CD36: variants seen among roughly 807,000 people sequenced by gnomAD.
CD36 encodes the protein CD36 molecule (CD36 blood group).
A neutral mutation model predicts 55.2 loss-of-function variants in CD36; 119 were observed. The ratio of observed to expected loss-of-function variants is 2.15; its 90% CI spans 1.86 to 2.51. The LOEUF is 2.51. Among genes scored for constraint, CD36 ranks in the 30% most tolerant of loss-of-function variants. The probability of loss-of-function intolerance (pLI) is 0.00; values close to 1 mark genes in which losing one functional copy is unlikely to be tolerated. For missense variants in CD36, 819 were observed against 555.5 expected (o/e 1.47, Z -4.77); for synonymous variants, 186 against 193.6 (o/e 0.96, Z 0.33).
In CD36 at chr7:80,656,525, T is replaced by C. The variant is rs762982976; in HGVS notation, c.121-15T>C. ...ACTACAAAGACATAACCCAAACTTA[T>C]TTTCTTTTTCATAGCAAGTTGTCCT... On this transcript the variant is annotated splice_polypyrimidine_tract_variant and intron_variant, in intron 3 of 14. Transcript: ENST00000447544. 7 of 1,612,576 alleles carry C rather than the reference T, an allele frequency of 4.3e-6. No individual in the cohort carries two copies. The highest frequency in any genetic ancestry group is 5.9e-6 in the Non-Finnish European group (7 of 1,179,174).
At chr7:80,630,592 G>T (rs17263407) in intron 1 of CD36, among the ~76,000 whole-genome samples, 3 of 151,872 alleles carry the variant, frequency 2.0e-5, no homozygotes, top group African/African-American at 7.2e-5. Flanking sequence ...CTTTTAATTT[G>T]GGATTCCAGA....
chr7:80,648,478 T>C (rs1477249848), intron 3 of CD36, among the ~76,000 whole-genome samples: 1 of 152,150 alleles, frequency 6.6e-6, no homozygotes, highest in African/African-American at 2.4e-5. Flanking sequence ...TACATGTAGA[T>C]TCTTTTGAAT....
chr7:80,602,351 T>C (rs908068062), exon 1 of CD36: 1 of 152,142 alleles, frequency 6.6e-6, no homozygotes. Context: ...AGGTCCTACA[T>C]CTCCGAAAGC....
intron 3 of CD36, among the ~76,000 whole-genome samples, chr7:80,651,438 C>T (rs1160029788): frequency 6.6e-6 from 1 of 152,000 alleles, no homozygotes; most frequent in Non-Finnish European, 1.5e-5. Context: ...ATAGTTCTAA[C>T]TATAGAACAC....
Position 80,673,983 on chromosome 7 carries a change from AC to A in CD36, c.1256del (p.Thr419MetfsTer16). 6.2e-7 allele frequency: 1 copy of A among 1,610,676 alleles called. No homozygotes were observed. Among genetic ancestry groups the A allele is most frequent in the East Asian group, 2.2e-5 (1 of 44,654 alleles). ...ATGTTGATTATTAACTTGATTACAG[AC>A]TGGGACCATTGGTGATGAGAAGGCA... is the stretch of plus-strand genomic sequence containing the variant. ...YIVPILWLNE[T>X]GTIGDEKANM... On this transcript the variant is annotated frameshift_variant and splice_region_variant, in exon 14 of 15. Transcript: ENST00000447544. LOFTEE classifies it high-confidence loss of function.
Position 80,679,178 on chromosome 7 carries a change from AAATACATAAAAGG to A in CD36, c.*2801_*2813del, listed in dbSNP as rs1798255473. 6.6e-6 allele frequency: 1 copy of A among 152,174 alleles called. No homozygotes were observed. Among genetic ancestry groups the A allele is most frequent in the Non-Finnish European group, 1.5e-5 (1 of 68,024 alleles). 9.4% of individuals were successfully genotyped at this position (152,174 alleles called of 1,614,324 possible). ...CTGAGTTATGTTTAATATTTGTATC[AAATACATAAAAGG>A]AATACTGCTTTTTCCTTTTGTGGCT... On this transcript the variant is annotated 3_prime_UTR_variant, in exon 15 of 15. Coordinates refer to ENST00000447544, the MANE Select transcript of CD36 (RefSeq NM_001001548.3).
intron 1 of CD36, among the ~76,000 whole-genome samples, chr7:80,604,153 T>A (rs536137680): frequency 1.3e-5 from 2 of 152,038 alleles, no homozygotes; most frequent in South Asian, 4.1e-4. Flanking sequence ...GAGGTTGGGT[T>A]TCCATATCAT....
At chr7:80,619,569 C>T (rs995369976) in intron 1 of CD36, among the ~76,000 whole-genome samples, 3 of 151,456 alleles carry the variant, frequency 2.0e-5, no homozygotes, top group Non-Finnish European at 4.4e-5. Flanking sequence ...ATCGCTTGAA[C>T]CCAGGAGGCA....
chr7:80,656,731 CTTACCT>C, intron 4 of CD36, 31 bp downstream of exon 4: 1 of 1,588,244 alleles, frequency 6.3e-7, no homozygotes, highest in Non-Finnish European at 8.6e-7. Flanking sequence ...ATGAGACACT[CTTACCT>C]TGACCATGTA....
intron 12 of CD36, chr7:80,673,122 T>TC (rs1321635456): frequency 3.9e-6 from 2 of 515,622 alleles, no homozygotes; most frequent in African/African-American, 3.9e-5. Flanking sequence ...ATATTTCAGT[T>TC]CCCCGAGAAT....
Position 80,661,161 on chromosome 7 carries a change from C to G in CD36, c.380C>G (p.Ser127Ter), listed in dbSNP as rs201765331. 125 of 1,613,852 alleles carry G rather than the reference C, an allele frequency of 7.7e-5. No homozygotes were observed. The highest frequency in any genetic ancestry group is 1.0e-4 in the Non-Finnish European group (120 of 1,179,866). ...GGTGCCATCTTCGAACCTTCACTAT[C>G]AGTTGGAACAGAGGCTGACAACTTC... is the stretch of plus-strand genomic sequence containing the variant. ...PNGAIFEPSL[S>*]VGTEADNFTV... The change falls in exon 5 of 15, where the codon TCA (serine) becomes TGA (stop). Residue 127 changes from serine (S) to a stop codon, truncating the protein, a stop_gained. Transcript: ENST00000447544. LOFTEE classifies it high-confidence loss of function.
intron 1 of CD36, among the ~76,000 whole-genome samples, chr7:80,612,630 T>C (rs1253680303): frequency 6.6e-6 from 1 of 152,158 alleles, no homozygotes; most frequent in South Asian, 2.1e-4. Context: ...AACTTTCTAT[T>C]TAGATATTCC....
At position 80,667,747 on chromosome 7, in the gene CD36, G is replaced by GTTTTTTTT. The variant is rs1165767460; in HGVS notation, c.748+1272_748+1279dup. 3.5e-3 allele frequency among the ~76,000 whole-genome samples: 286 copies of GTTTTTTTT among 82,558 alleles called. 3 individuals are homozygous for GTTTTTTTT. The highest frequency in any genetic ancestry group is 6.1e-3 in the African/African-American group (146 of 24,098). 54.2% of individuals were successfully genotyped at this position (82,558 alleles called of 152,430 possible). A position where few individuals can be genotyped will look rare whatever the true frequency, so the allele number is the denominator to read the frequency against. On this transcript the variant is annotated intron_variant, in intron 8 of 14. Coordinates refer to ENST00000447544, the MANE Select transcript of CD36 (RefSeq NM_001001548.3). ...GTTGGATTTGCAGGGGTTTTCTTTT[G>GTTTTTTTT]TTTTTTTTTTTTTTTTTTTTTGAGA...
In CD36 at chr7:80,671,985, T is replaced by C. The variant is rs776624024; in HGVS notation, c.1070T>C (p.Ile357Thr). The C allele has an allele frequency of 6.2e-6, 10 of 1,609,158 alleles. No homozygotes were observed. Among genetic ancestry groups the C allele is most frequent in the South Asian group, 2.2e-5 (2 of 90,958 alleles). Residue 357 changes from isoleucine to threonine, a missense_variant, in exon 11 of 15, where the codon ATT becomes ACT. Coordinates refer to ENST00000447544, the MANE Select transcript of CD36 (RefSeq NM_001001548.3). ...GCAAGTCCTGATGTTTCAGAACCTA[T>C]TGATGGATTAAACCCAAATGAAGAA... The part of the protein sequence containing the change: ...LYASPDVSEP[I>T]DGLNPNEEEH...
chr7:80,653,439 C>T (rs923256494), intron 3 of CD36, among the ~76,000 whole-genome samples: 14 of 152,120 alleles, frequency 9.2e-5, no homozygotes, highest in African/African-American at 3.4e-4. Flanking sequence ...CATCTGTTTT[C>T]AAATTAATGT....
At chr7:80,653,923 G>A (rs993472709) in intron 3 of CD36, among the ~76,000 whole-genome samples, 4 of 152,076 alleles carry the variant, frequency 2.6e-5, no homozygotes, top group Non-Finnish European at 4.4e-5. Context: ...GAAAGGACCT[G>A]ATTTTTCTAT....
At chr7:80,671,768 A>G (rs1797693355) in intron 10 of CD36, among the ~76,000 whole-genome samples, 154 bp from the exon 11 acceptor site, 1 of 152,062 alleles carries the variant, frequency 6.6e-6, no homozygotes, top group African/African-American at 2.4e-5. Context: ...AGGAGTTTAT[A>G]GTAGAAATCA....
At chr7:80,674,683 T>A (rs1304263936) in intron 14 of CD36, among the ~76,000 whole-genome samples, 1 of 152,066 alleles carries the variant, frequency 6.6e-6, no homozygotes, top group Non-Finnish European at 1.5e-5. Flanking sequence ...GATATTAGTG[T>A]CCATGCACTC....
intron 7 of CD36, among the ~76,000 whole-genome samples, chr7:80,664,865 AAC>A (rs1796901003): frequency 1.3e-5 from 2 of 151,132 alleles, no homozygotes. Context: ...AAAAAAAAAA[AAC>A]AACACATCAA....
Sources: gnomAD v4.1 joint callset for allele counts (sites outside exome capture counted in the v4.1 genomes callset) on GRCh38, gnomAD v4.1.1 for gene constraint, MANE v1.5 for transcripts, NCBI Gene and HGNC (gene_info 2026-07-23, HGNC 2026-07-21) for gene names.